The following BAAT variants were observed in gnomAD, a reference collection of about 807,000 sequenced individuals.
BAAT encodes the protein bile acid CoA: amino acid N-acyltransferase (glycine N-choloyltransferase).
Under a neutral mutation model 18.9 loss-of-function variants are expected in BAAT, and 13 were observed. The observed-to-expected ratio is 0.69, with a 90% CI of 0.45 to 1.10. The LOEUF (loss-of-function observed/expected upper bound fraction) is 1.10. Among genes scored for constraint, BAAT ranks in the 50% least tolerant of loss-of-function variants. The probability of loss-of-function intolerance (pLI) is 0.00; values close to 1 mark genes in which losing one functional copy is unlikely to be tolerated. For missense variants in BAAT, 489 were observed against 504.0 expected (o/e 0.97, Z 0.28); for synonymous variants, 170 against 190.7 (o/e 0.89, Z 0.89).
chr9:101,362,992 T>C lies in BAAT; in HGVS notation c.693A>G (p.Val231=), dbSNP rs749269593. 18 of 1,613,846 alleles carry C rather than the reference T, an allele frequency of 1.1e-5. No individual in the cohort carries two copies. The East Asian group carries it at 4.0e-4, about 36-fold the overall frequency. Residue 231 remains valine (V), a synonymous_variant, in exon 4 of 4, where the codon GTA becomes GTG. Coordinates refer to ENST00000259407, the MANE Select transcript of BAAT (RefSeq NM_001701.4). ...HPKVFGSGVG[V]VSVCQGVQIG... ...TCTGTACTCCTTGACATACAGAGACTACCCCAACGCCTGAGCCAAAGACCT... is the reference window on the plus strand; with the variant it reads ...TCTGTACTCCTTGACATACAGAGACCACCCCAACGCCTGAGCCAAAGACCT...
At chr9:101,367,670 GAGAA>G (rs1206308828) in intron 3 of BAAT, among the ~76,000 whole-genome samples, 1 of 152,170 alleles carries the variant, frequency 6.6e-6, no homozygotes, top group East Asian at 1.9e-4. Context: ...AGTATTTATA[GAGAA>G]AGAGTTTGGC....
intron 1 of BAAT, among the ~76,000 whole-genome samples, chr9:101,378,135 C>T (rs1205410966): frequency 6.6e-6 from 1 of 152,136 alleles, no homozygotes; most frequent in Non-Finnish European, 1.5e-5. Flanking sequence ...TAATTCCATG[C>T]TCATTGATAG....
At chr9:101,374,440 G>A (rs1297967651) in intron 1 of BAAT, among the ~76,000 whole-genome samples, 3 of 152,102 alleles carry the variant, frequency 2.0e-5, no homozygotes, top group Non-Finnish European at 4.4e-5. Flanking sequence ...AGCCTAAAAT[G>A]TACCTGAAAA....
chr9:101,362,528 C>T lies in BAAT; in HGVS notation c.1157G>A (p.Gly386Glu). The T allele has an allele frequency of 6.2e-7, 1 of 1,614,088 alleles. No individual in the cohort carries two copies. The highest frequency in any genetic ancestry group is 1.1e-5 in the South Asian group (1 of 91,074). Residue 386 changes from glycine (G) to glutamate (E), a missense_variant, in exon 4 of 4, where the codon GGA becomes GAA. Physicochemically the swap from Gly to Glu is moderately conservative, Grantham distance 98 (BLOSUM62 -2). Coordinates refer to ENST00000259407, the MANE Select transcript of BAAT (RefSeq NM_001701.4). ...TGCAGCTGCGTGTGGGATCACCTCT[C>T]CTCCCCAGTGTAACCTCAAATCGTG... The part of the protein sequence containing the change: ...TTHDLRLHWG[G>E]EVIPHAAAQE...
intron 3 of BAAT, among the ~76,000 whole-genome samples, chr9:101,363,903 T>C (rs1052843005): frequency 1.3e-5 from 2 of 152,140 alleles, no homozygotes; most frequent in African/African-American, 4.8e-5. Flanking sequence ...GCCCAGCTAC[T>C]CAGGTTGAGG....
chr9:101,368,456 A>C, intron 2 of BAAT, 134 bp from the exon 3 acceptor site: 2 of 833,364 alleles, frequency 2.4e-6, no homozygotes, highest in Non-Finnish European at 3.7e-6. Context: ...TAATAAAAAC[A>C]TGAGAACACA....
At chr9:101,369,853 T>C (rs1266361102) in intron 2 of BAAT, among the ~76,000 whole-genome samples, 4 of 152,218 alleles carry the variant, frequency 2.6e-5, no homozygotes, top group African/African-American at 9.6e-5. Flanking sequence ...CTGAGAAATG[T>C]ACCAAAACAT....
At chr9:101,374,210 C>T (rs554045901) in intron 1 of BAAT, among the ~76,000 whole-genome samples, 1 of 152,292 alleles carries the variant, frequency 6.6e-6, no homozygotes, top group South Asian at 2.1e-4. Flanking sequence ...AGTTTCTCAT[C>T]TCAGTTACCT....
At chr9:101,372,361 A>AGGGGTGGTGTG (rs1175552872) in intron 1 of BAAT, among the ~76,000 whole-genome samples, 2 of 151,988 alleles carry the variant, frequency 1.3e-5, no homozygotes, top group Non-Finnish European at 2.9e-5. Context: ...AAAGAACAAA[A>AGGGGTGGTGTG]GGGGTGGTGT....
At chr9:101,367,562 G>A (rs556725644) in intron 3 of BAAT, among the ~76,000 whole-genome samples, 257 of 149,686 alleles carry the variant, frequency 1.7e-3, no homozygotes, top group African/African-American at 5.8e-3. Flanking sequence ...ATGGCTCACC[G>A]CAGTCTCAAC....
chr9:101,368,146 C>T lies in BAAT; in HGVS notation c.643G>A (p.Ala215Thr), dbSNP rs778989181. ...TTTGGATGTCTCAGGAGAAAGTTGGCAGCCTCCTCAAAATATTCCAAATCT... is the reference window on the plus strand; with the variant it reads ...TTTGGATGTCTCAGGAGAAAGTTGGTAGCCTCCTCAAAATATTCCAAATCT... ...VTDLEYFEEA[A>T]NFLLRHPKVF... Residue 215 changes from alanine to threonine, a missense_variant, in exon 3 of 4, where the codon GCC becomes ACC. Physicochemically the swap from Ala to Thr is moderately conservative, Grantham distance 58 (BLOSUM62 0). Coordinates refer to ENST00000259407, the MANE Select transcript of BAAT (RefSeq NM_001701.4). 1.9e-6 allele frequency: 3 copies of T among 1,614,004 alleles called. No individual in the cohort carries two copies. The highest frequency in any genetic ancestry group is 2.5e-6 in the Non-Finnish European group (3 of 1,180,004).
At chr9:101,367,768 G>A (rs894699382) in intron 3 of BAAT, among the ~76,000 whole-genome samples, 1 of 152,104 alleles carries the variant, frequency 6.6e-6, no homozygotes, top group African/African-American at 2.4e-5. Context: ...TTACAGGCTT[G>A]AGCCATCACA....
intron 3 of BAAT, among the ~76,000 whole-genome samples, chr9:101,365,265 T>A (rs1459203902): frequency 6.6e-6 from 1 of 152,150 alleles, no homozygotes; most frequent in Non-Finnish European, 1.5e-5. Flanking sequence ...ATCTCCTATA[T>A]TTTAAAGGCA....
intron 1 of BAAT, among the ~76,000 whole-genome samples, 68 bp downstream of exon 1, chr9:101,384,787 G>T (rs2119044630): frequency 6.6e-6 from 1 of 152,240 alleles, no homozygotes; most frequent in Non-Finnish European, 1.5e-5. Flanking sequence ...AAGGATTACT[G>T]AGAGTCTGGA....
rs181633288 is a variant in BAAT at position 101,362,262 on chromosome 9, T to C, written c.*166A>G. ...CATGTCCAGTTTGGTTAGCTTGTTA[T>C]GCAGTATAAGTGAAATATCAGGTTT... On this transcript the variant is annotated 3_prime_UTR_variant, in exon 4 of 4. Coordinates refer to ENST00000259407, the MANE Select transcript of BAAT (RefSeq NM_001701.4). 2 of 698,388 alleles carry C rather than the reference T, an allele frequency of 2.9e-6. No homozygotes were observed. Among genetic ancestry groups the C allele is most frequent in the East Asian group, 5.4e-5 (2 of 37,094 alleles). The allele number at this position is 698,388 out of a possible 1,614,324, so 43.3% of individuals were successfully genotyped here.
At chr9:101,363,596 A>G (rs1426741616) in intron 3 of BAAT, among the ~76,000 whole-genome samples, 2 of 152,078 alleles carry the variant, frequency 1.3e-5, no homozygotes, top group Admixed American at 6.5e-5. Context: ...GAGAAAAGGA[A>G]CAATCTCTTG....
chr9:101,382,285 G>C (rs1461175313), intron 1 of BAAT, among the ~76,000 whole-genome samples: 1 of 152,176 alleles, frequency 6.6e-6, no homozygotes, highest in Non-Finnish European at 1.5e-5. Flanking sequence ...GCTCAAACAT[G>C]CACATTAAGA....
At chr9:101,365,785 C>T (rs533028616) in intron 3 of BAAT, among the ~76,000 whole-genome samples, 113 of 152,184 alleles carry the variant, frequency 7.4e-4, no homozygotes, top group Admixed American at 1.4e-3. Context: ...CTGCCCACCT[C>T]GGCCTCCCAA....
At chr9:101,370,313 C>T (rs907967374) in intron 2 of BAAT, among the ~76,000 whole-genome samples, 1 of 144,364 alleles carries the variant, frequency 6.9e-6, no homozygotes. Flanking sequence ...ATTTTGCATG[C>T]ATTATCCTTT....
Sources: gnomAD v4.1 joint callset for allele counts (sites outside exome capture counted in the v4.1 genomes callset) on GRCh38, gnomAD v4.1.1 for gene constraint, MANE v1.5 for transcripts, NCBI Gene and HGNC (gene_info 2026-07-23, HGNC 2026-07-21) for gene names.